Variants in FBN2 observed in about 807,000 individuals in gnomAD.
FBN2 encodes fibrillin 2.
A neutral mutation model predicts 355.6 loss-of-function variants in FBN2; 105 were observed. That is an observed-to-expected ratio of 0.30 (90% CI 0.25 to 0.35). The LOEUF (loss-of-function observed/expected upper bound fraction) is 0.35. Ranked by LOEUF, FBN2 falls within the 10% of genes least tolerant of loss-of-function variation. The pLI is 1.00. For missense variants in FBN2, 3,280 were observed against 3,758.7 expected (o/e 0.87, Z 3.33); for synonymous variants, 1,350 against 1,301.2 (o/e 1.04, Z -0.81).
At chr5:128,441,803 T>G (rs1338552654) in intron 7 of FBN2, among the ~76,000 whole-genome samples, 1 of 152,146 alleles carries the variant, frequency 6.6e-6, no homozygotes, top group African/African-American at 2.4e-5. Context: ...TTAACTACAG[T>G]GTTATAAATT....
chr5:128,422,755 A>G lies in FBN2; in HGVS notation c.953-13956T>C, dbSNP rs1007971150. 4.6e-5 allele frequency among the ~76,000 whole-genome samples: 7 copies of G among 152,348 alleles called. No homozygotes were observed. The East Asian group carries it at 5.8e-4, about 13-fold the overall frequency. The stretch of plus-strand genomic sequence containing the variant: ...TTTACTCTTCTCAAGAGAGTAAAAC[A>G]GAGTACAGATGTTACAAAACTTTAC... On this transcript the variant is annotated intron_variant, in intron 7 of 64. Coordinates refer to ENST00000262464, the MANE Select transcript of FBN2 (RefSeq NM_001999.4).
At chr5:128,342,173 G>C (rs558486737) in intron 25 of FBN2, among the ~76,000 whole-genome samples, 1 of 152,126 alleles carries the variant, frequency 6.6e-6, no homozygotes, top group African/African-American at 2.4e-5. Context: ...GAAACTCTGA[G>C]AGGCAAGACG....
At chr5:128,489,094 T>C (rs1755430106) in intron 5 of FBN2, among the ~76,000 whole-genome samples, 1 of 150,446 alleles carries the variant, frequency 6.6e-6, no homozygotes, top group Non-Finnish European at 1.5e-5. Flanking sequence ...CCACAATGGT[T>C]GAACTAGTTT....
rs1755050777 is a variant in FBN2 at position 128,478,007 on chromosome 5, C to T, written c.629-13086G>A. On this transcript the variant is annotated intron_variant, in intron 5 of 64. Coordinates refer to ENST00000262464, the MANE Select transcript of FBN2 (RefSeq NM_001999.4). ...AATAGAACCACGACATCTGAGATTG[C>T]TGAATGTTTTCCTCGATTCAGACTT... Among the ~76,000 whole-genome samples the T allele has an allele frequency of 2.0e-5, 3 of 152,158 alleles. No individual in the cohort carries two copies. The South Asian group carries it at 6.2e-4, about 32-fold the overall frequency.
At chr5:128,271,275 A>C (rs113010338) in intron 62 of FBN2, among the ~76,000 whole-genome samples, 49 of 152,360 alleles carry the variant, frequency 3.2e-4, no homozygotes, top group African/African-American at 1.1e-3. Flanking sequence ...CAGTTATGCC[A>C]GCACCTAGCA....
rs1371672232 is a variant in FBN2, at chr5:128,277,273, C to T, written c.7471+607G>A. On this transcript the variant is annotated intron_variant, in intron 58 of 64. Transcript: ENST00000262464. ...AAAAGTCTAAGTCCTTTCTGCCCCA[C>T]GACTGTCATATATAGGTGTGAGTGA... 3.3e-5 allele frequency among the ~76,000 whole-genome samples: 5 copies of T among 152,086 alleles called. No individual in the cohort carries two copies. In the South Asian group the frequency reaches 6.2e-4, roughly 19 times the overall value.
chr5:128,292,166 GTCT>G (rs1218698300), intron 48 of FBN2, among the ~76,000 whole-genome samples: 1 of 152,020 alleles, frequency 6.6e-6, no homozygotes, highest in Non-Finnish European at 1.5e-5. Context: ...TCTCCTGAAT[GTCT>G]TCTTCTTGTC....
intron 20 of FBN2, among the ~76,000 whole-genome samples, 200 bp downstream of exon 20, chr5:128,357,076 A>T (rs1170067188): frequency 6.6e-6 from 1 of 152,210 alleles, no homozygotes; most frequent in Non-Finnish European, 1.5e-5. Context: ...AGATTTCTAG[A>T]ATCTAACAAA....
intron 6 of FBN2, among the ~76,000 whole-genome samples, chr5:128,459,580 A>C (rs575714311): frequency 6.6e-6 from 1 of 152,364 alleles, no homozygotes; most frequent in South Asian, 2.1e-4. Context: ...AACTGAATCC[A>C]GAAGCACATC....
intron 7 of FBN2, among the ~76,000 whole-genome samples, chr5:128,439,422 A>T (rs1753858256): frequency 1.3e-5 from 2 of 152,158 alleles, no homozygotes; most frequent in South Asian, 4.1e-4. Flanking sequence ...TTTTTATTTT[A>T]TCAACATTTA....
At chr5:128,335,060 A>T in intron 30 of FBN2, 110 bp downstream of exon 30, 2 of 1,506,928 alleles carry the variant, frequency 1.3e-6, no homozygotes, top group Non-Finnish European at 1.8e-6. Context: ...AAATGATTTG[A>T]ATTTTTAAAA....
chr5:128,537,801 G>GGGCGCCGGGTCTAGCGCAGTGAGCGGCGA lies in FBN2; in HGVS notation c.-227_-199dup, dbSNP rs1756901649. 1.6e-6 allele frequency: 1 copy of GGGCGCCGGGTCTAGCGCAGTGAGCGGCGA among 623,062 alleles called. No homozygotes were observed. The highest frequency in any genetic ancestry group is 1.8e-5 in the African/African-American group (1 of 54,126). 38.6% of individuals were successfully genotyped at this position (623,062 alleles called of 1,614,324 possible). A position where few individuals can be genotyped will look rare whatever the true frequency, so the allele number is the denominator to read the frequency against. On this transcript the variant is annotated 5_prime_UTR_variant, in exon 1 of 65. Transcript: ENST00000262464. ...CTGACTGCCCGCGAAGCGAGACGCG[G>GGGCGCCGGGTCTAGCGCAGTGAGCGGCGA]GGCGCCGGGTCTAGCGCAGTGAGCG...
intron 3 of FBN2, among the ~76,000 whole-genome samples, chr5:128,528,342 A>AC (rs1489368041): frequency 6.6e-6 from 1 of 152,166 alleles, no homozygotes; most frequent in Non-Finnish European, 1.5e-5. Flanking sequence ...AGCTATCCTC[A>AC]CAGAGCTTGA....
In FBN2 at chr5:128,296,885, G is replaced by T. The variant is rs548865760; in HGVS notation, c.6166+3932C>A. Among the ~76,000 whole-genome samples the T allele has an allele frequency of 2.3e-3, 343 of 151,928 alleles. 2 individuals carry two copies. Among genetic ancestry groups the T allele is most frequent in the African/African-American group, 7.8e-3 (324 of 41,476 alleles). On this transcript the variant is annotated intron_variant, in intron 48 of 64. Transcript: ENST00000262464. ...TATTTCTTGCCTTCTGCTAGCTTTT[G>T]AATGTGTTTGCTCTTGCTTTTCTAG... is the stretch of plus-strand genomic sequence containing the variant.
At chr5:128,310,146 A>C (rs1281490020) in intron 39 of FBN2, 38 bp from the exon 40 acceptor site, 1 of 1,523,988 alleles carries the variant, frequency 6.6e-7, no homozygotes, top group Admixed American at 1.7e-5. Context: ...TAATAAATCT[A>C]TTTTTTCAAT....
intron 6 of FBN2, among the ~76,000 whole-genome samples, chr5:128,458,059 G>A (rs1250742607): frequency 6.6e-6 from 1 of 152,078 alleles, no homozygotes; most frequent in Non-Finnish European, 1.5e-5. Flanking sequence ...TGCGTGTGCT[G>A]TACTAAGGAA....
chr5:128,463,601 G>A (rs1754617446), intron 6 of FBN2, among the ~76,000 whole-genome samples: 1 of 152,186 alleles, frequency 6.6e-6, no homozygotes, highest in African/African-American at 2.4e-5. Context: ...GGATGCTGCT[G>A]TCAGGGACAC....
intron 31 of FBN2, among the ~76,000 whole-genome samples, chr5:128,334,415 GA>G (rs2126894625): frequency 6.6e-6 from 1 of 152,240 alleles, no homozygotes; most frequent in African/African-American, 2.4e-5. Flanking sequence ...GTCATACTCA[GA>G]AAGTGACTGA....
chr5:128,305,039 G>A lies in FBN2; in HGVS notation c.5718C>T (p.Gly1906=), dbSNP rs1258336972. The A allele has an allele frequency of 6.2e-7, 1 of 1,613,172 alleles. No individual in the cohort carries two copies. The highest frequency in any genetic ancestry group is 1.3e-5 in the African/African-American group (1 of 74,826). ...AACTTCCTTGCAGATCAACACACAAGCCATGACTGCAAACGTTAGGAATTT... is the reference window on the plus strand; with the variant it reads ...AACTTCCTTGCAGATCAACACACAAACCATGACTGCAAACGTTAGGAATTT... ...CLEIPNVCSH[G]LCVDLQGSYQ... The change falls in exon 45 of 65, where the codon GGC becomes GGT. Residue 1906 remains glycine (G), a synonymous_variant. Coordinates refer to ENST00000262464, the MANE Select transcript of FBN2 (RefSeq NM_001999.4).
Sources: gnomAD v4.1 joint callset for allele counts (sites outside exome capture counted in the v4.1 genomes callset) on GRCh38, gnomAD v4.1.1 for gene constraint, MANE v1.5 for transcripts, NCBI Gene and HGNC (gene_info 2026-07-23, HGNC 2026-07-21) for gene names.